The following APOBEC3F variants were observed in gnomAD, a reference collection of about 807,000 sequenced individuals.
The protein encoded by APOBEC3F is apolipoprotein B mRNA editing enzyme catalytic subunit 3F.
A neutral mutation model predicts 45.8 loss-of-function variants in APOBEC3F; 34 were observed. The ratio of observed to expected loss-of-function variants is 0.74; its 90% CI spans 0.57 to 0.99. APOBEC3F has a LOEUF of 0.99. Ranked by LOEUF, APOBEC3F falls within the 50% of genes least tolerant of loss-of-function variation. APOBEC3F has a pLI of 0.00. For synonymous variants in APOBEC3F, 192 were observed against 174.4 expected (o/e 1.10, Z -0.80); for missense variants, 459 against 474.1 (o/e 0.97, Z 0.30).
intron 2 of APOBEC3F, chr22:39,044,385 A>T: frequency 7.2e-7 from 1 of 1,380,238 alleles, no homozygotes; most frequent in Non-Finnish European, 9.4e-7. Context: ...CAGGACTGAG[A>T]TGGGGACATT....
chr22:39,050,398 C>T (rs36092463), intron 5 of APOBEC3F, among the ~76,000 whole-genome samples: 38 of 133,580 alleles, frequency 2.8e-4, no homozygotes, highest in African/African-American at 9.8e-4. Flanking sequence ...CGGCCCCCTC[C>T]TCCCAGGCAG....
chr22:39,047,608 C>A (rs1036521774), intron 4 of APOBEC3F, among the ~76,000 whole-genome samples: 2 of 151,916 alleles, frequency 1.3e-5, no homozygotes, highest in African/African-American at 4.8e-5. Flanking sequence ...CCTGCCCCAG[C>A]GCTAGTCTCT....
At chr22:39,047,488 G>A (rs1452703542) in intron 4 of APOBEC3F, among the ~76,000 whole-genome samples, 1 of 152,166 alleles carries the variant, frequency 6.6e-6, no homozygotes, top group Non-Finnish European at 1.5e-5. Context: ...GCCAGGGAGG[G>A]TGCACATGAA....
chr22:39,041,821 C>A (rs1180465037), intron 1 of APOBEC3F, among the ~76,000 whole-genome samples: 1 of 151,924 alleles, frequency 6.6e-6, no homozygotes, highest in Non-Finnish European at 1.5e-5. Flanking sequence ...GAGATCGCCC[C>A]ATCGCACTCC....
intron 2 of APOBEC3F, chr22:39,044,107 C>G (rs1265973208): frequency 6.4e-7 from 1 of 1,554,938 alleles, no homozygotes. Context: ...CATCAGAGCC[C>G]CATTTCAAGT....
Position 39,052,221 on chromosome 22 carries a change from C to G in APOBEC3F, c.871C>G (p.Leu291Val), listed in dbSNP as rs930685449. ...PECAGEVAEF[L>V]ARHSNVNLTI... ...GTGTGCAGGGGAGGTGGCCGAGTTC[C>G]TGGCCAGGCACAGCAACGTGAATCT... Residue 291 changes from leucine (L) to valine (V), a missense_variant, in exon 6 of 7, where the codon CTG becomes GTG. By Grantham distance (32) the Leu-to-Val change is conservative. Coordinates refer to ENST00000308521, the MANE Select transcript of APOBEC3F (RefSeq NM_145298.6). 5 of 1,614,230 alleles carry G rather than the reference C, an allele frequency of 3.1e-6. No homozygotes were observed. Among genetic ancestry groups the G allele is most frequent in the Non-Finnish European group, 4.2e-6 (5 of 1,180,046 alleles).
intron 2 of APOBEC3F, 152 bp from the exon 3 acceptor site, chr22:39,044,789 A>G (rs576211553): frequency 1.7e-5 from 13 of 752,558 alleles, no homozygotes; most frequent in Middle Eastern, 3.9e-4. Context: ...GGAGCAGACA[A>G]TCACTCAAAC....
In APOBEC3F at chr22:39,052,069, C is replaced by A; in HGVS notation, c.724-5C>A. On this transcript the variant is annotated splice_polypyrimidine_tract_variant and splice_region_variant and intron_variant, in intron 5 of 6. Transcript: ENST00000308521. ...TCCCCTGCCCTCCTCCTCCTCCTTC[C>A]CCAGGTGGATCCTGAGACCCATTGT... 6.2e-7 allele frequency: 1 copy of A among 1,610,942 alleles called. No individual in the cohort carries two copies. Among genetic ancestry groups the A allele is most frequent in the East Asian group, 2.2e-5 (1 of 44,824 alleles).
chr22:39,043,217 A>G, intron 2 of APOBEC3F, 127 bp downstream of exon 2: 1 of 1,337,184 alleles, frequency 7.5e-7, no homozygotes, highest in South Asian at 1.5e-5. Context: ...ACACTTTCCA[A>G]GTCCGTGGCC....
intron 2 of APOBEC3F, chr22:39,044,494 G>A (rs1347168936): frequency 7.8e-6 from 7 of 901,206 alleles, no homozygotes; most frequent in South Asian, 2.4e-5. Context: ...GCACAGTCAC[G>A]TGGGGGTAAA....
At position 39,045,999 on chromosome 22, in the gene APOBEC3F, G is replaced by A. The variant is rs575080893; in HGVS notation, c.566+457G>A. ...CGACTGCCATAGAAGATGCCCCCGG[G>A]CCGGGTGCCCACAGGGCAGGCATTT... On this transcript the variant is annotated intron_variant, in intron 4 of 6. Transcript: ENST00000308521. 4.7e-4 allele frequency among the ~76,000 whole-genome samples: 71 copies of A among 151,976 alleles called. 1 individual carries two copies. Among genetic ancestry groups the A allele is most frequent in the Admixed American group, 1.0e-3 (16 of 15,246 alleles).
intron 5 of APOBEC3F, among the ~76,000 whole-genome samples, chr22:39,051,323 G>T (rs1927472411): frequency 6.6e-6 from 1 of 151,838 alleles, no homozygotes; most frequent in Admixed American, 6.6e-5. Context: ...GGATCACGAG[G>T]TCAGGAGCTT....
rs1283459749 is a variant in APOBEC3F, at chr22:39,055,029, C to T, written c.*2334C>T. On this transcript the variant is annotated 3_prime_UTR_variant, in exon 7 of 7. Transcript: ENST00000308521. The stretch of plus-strand genomic sequence containing the variant: ...CTGGCTGTGTCCTCTGTGGCCTTTC[C>T]TCTATGAACCTGTACTGTACCTCTG... Among the ~76,000 whole-genome samples the T allele has an allele frequency of 6.6e-6, 1 of 151,876 alleles. No individual in the cohort carries two copies. The highest frequency in any genetic ancestry group is 1.5e-5 in the Non-Finnish European group (1 of 68,008).
At chr22:39,044,106 C>A in intron 2 of APOBEC3F, 2 of 1,554,374 alleles carry the variant, frequency 1.3e-6, no homozygotes, top group African/African-American at 1.4e-5. Flanking sequence ...TCATCAGAGC[C>A]CCATTTCAAG....
intron 4 of APOBEC3F, among the ~76,000 whole-genome samples, chr22:39,046,256 ATCACCAC>A (rs1927213307): frequency 6.6e-6 from 1 of 152,140 alleles, no homozygotes; most frequent in African/African-American, 2.4e-5. Context: ...AGTTAATTTA[ATCACCAC>A]TTTAGTGGAC....
At position 39,041,114 on chromosome 22, in the gene APOBEC3F, C is replaced by G. The variant is rs1012936772; in HGVS notation, c.17+137C>G. ...CTCCCCTCTGGCTCCCCTGCCCCCG[C>G]CACTCCCAGCCAGGCTCTTTTTCCT... On this transcript the variant is annotated intron_variant, in intron 1 of 6. Coordinates refer to ENST00000308521, the MANE Select transcript of APOBEC3F (RefSeq NM_145298.6). The G allele has an allele frequency of 5.6e-6, 8 of 1,436,164 alleles. No homozygotes were observed. The Admixed American group carries it at 8.1e-5, about 15-fold the overall frequency. The allele number at this position is 1,436,164 out of a possible 1,614,324, so 89.0% of individuals were successfully genotyped here.
intron 2 of APOBEC3F, 131 bp downstream of exon 2, chr22:39,043,221 C>T (rs1350009207): frequency 9.1e-6 from 12 of 1,317,868 alleles, no homozygotes; most frequent in East Asian, 5.1e-5. Flanking sequence ...TTTCCAAGTC[C>T]GTGGCCCTGA....
At chr22:39,049,726 G>T (rs34311684) in intron 5 of APOBEC3F, 145 bp downstream of exon 5, 46,369 of 1,000,034 alleles carry the variant, frequency 0.046, 1,336 homozygotes, top group South Asian at 0.053. Flanking sequence ...TTGAGACAGA[G>T]TCTCACTCAG....
rs181563458 is a variant in APOBEC3F at position 39,041,724 on chromosome 22, G to T, written c.17+747G>T. Among the ~76,000 whole-genome samples, 419 of 152,164 alleles carry T rather than the reference G, an allele frequency of 2.8e-3. 3 individuals are homozygous for T. Among genetic ancestry groups the T allele is most frequent in the South Asian group, 0.014 (69 of 4,824 alleles). ...ACTAAAAATACAAAATTAGCCGGGT[G>T]TGGTGGCGGGCGCCTATAATCCAGC... On this transcript the variant is annotated intron_variant, in intron 1 of 6. Transcript: ENST00000308521.
Sources: gnomAD v4.1 joint callset for allele counts (sites outside exome capture counted in the v4.1 genomes callset) on GRCh38, gnomAD v4.1.1 for gene constraint, MANE v1.5 for transcripts, NCBI Gene and HGNC (gene_info 2026-07-23, HGNC 2026-07-21) for gene names.